Variants in AGBL1 observed in about 807,000 individuals in gnomAD.
AGBL1 encodes the protein cytosolic carboxypeptidase 4.
In AGBL1, 130 loss-of-function variants were observed where a neutral mutation model predicts 118.9. That is an observed-to-expected ratio of 1.09 (90% CI 0.95 to 1.26). The LOEUF (loss-of-function observed/expected upper bound fraction) is 1.26. Among genes scored for constraint, AGBL1 ranks in the 50% most tolerant of loss-of-function variants. The probability of loss-of-function intolerance (pLI) is 0.00; values close to 1 mark genes in which losing one functional copy is unlikely to be tolerated. For missense variants in AGBL1, 1,584 were observed against 1,298.1 expected, an observed-to-expected ratio of 1.22 and a Z score of -3.38; for synonymous variants, 555 against 478.9, an observed-to-expected ratio of 1.16 and a Z score of -2.08.
At chr15:86,679,850 T>C (rs1355008648) in intron 22 of AGBL1, among the ~76,000 whole-genome samples, 1 of 152,178 alleles carries the variant, frequency 6.6e-6, no homozygotes, top group Admixed American at 6.5e-5. Context: ...TTTTCTAATA[T>C]TCAGCTATCT....
In AGBL1 at chr15:86,475,988, AAGG is replaced by A. The variant is rs550906892; in HGVS notation, c.2556-46819_2556-46817del. 4.5e-3 allele frequency among the ~76,000 whole-genome samples: 684 copies of A among 152,234 alleles called. 3 individuals carry two copies. The highest frequency in any genetic ancestry group is 0.016 in the African/African-American group (644 of 41,540). ...CCAGCCAAACTAAGCTTCATAAATG[AAGG>A]AGAAGGAGAAATAAAATCCTTTACA... On this transcript the variant is annotated intron_variant, in intron 18 of 22. Coordinates refer to ENST00000614907, the MANE Select transcript of AGBL1 (RefSeq NM_001386094.1).
At chr15:86,525,443 A>G (rs1187670466) in intron 19 of AGBL1, among the ~76,000 whole-genome samples, 1 of 152,182 alleles carries the variant, frequency 6.6e-6, no homozygotes, top group Non-Finnish European at 1.5e-5. Flanking sequence ...CCTTAGCAAA[A>G]AGAATAATCT....
At chr15:86,407,098 T>C (rs2142004197) in intron 18 of AGBL1, among the ~76,000 whole-genome samples, 1 of 152,326 alleles carries the variant, frequency 6.6e-6, no homozygotes, top group East Asian at 1.9e-4. Flanking sequence ...TTGTTAACAC[T>C]ACACATTATC....
chr15:86,371,357 G>C (rs577697243), intron 17 of AGBL1, among the ~76,000 whole-genome samples: 1 of 152,130 alleles, frequency 6.6e-6, no homozygotes, highest in African/African-American at 2.4e-5. Context: ...AGATTGGAGT[G>C]AGCTGCCTGC....
chr15:86,431,102 G>C (rs2081930264), intron 18 of AGBL1, among the ~76,000 whole-genome samples: 1 of 152,088 alleles, frequency 6.6e-6, no homozygotes, highest in South Asian at 2.1e-4. Flanking sequence ...CTGTTTGCTT[G>C]TTAGCAGTGA....
intron 24 of AGBL1, among the ~76,000 whole-genome samples, chr15:87,020,960 A>C (rs1053101057): frequency 1.3e-5 from 2 of 152,152 alleles, no homozygotes; most frequent in Admixed American, 1.3e-4. Context: ...CCATTCAACT[A>C]CCATTGACAT....
intron 6 of AGBL1, among the ~76,000 whole-genome samples, chr15:86,240,877 TA>T (rs2078630943): frequency 6.6e-6 from 1 of 152,208 alleles, no homozygotes; most frequent in Non-Finnish European, 1.5e-5. Flanking sequence ...TTCTTACTCA[TA>T]TATGTCTTAT....
chr15:86,470,367 C>A (rs1019817125), intron 18 of AGBL1, among the ~76,000 whole-genome samples: 40 of 152,208 alleles, frequency 2.6e-4, no homozygotes, highest in African/African-American at 9.1e-4. Context: ...TGTTGTTGAT[C>A]AGTTGATTGT....
chr15:86,722,126 T>C (rs1157210183), intron 22 of AGBL1, among the ~76,000 whole-genome samples: 1 of 152,128 alleles, frequency 6.6e-6, no homozygotes, highest in Admixed American at 6.5e-5. Context: ...AAGCTACCAA[T>C]GACTTTCTTC....
At chr15:86,278,671 G>A (rs2079298605) in intron 15 of AGBL1, among the ~76,000 whole-genome samples, 1 of 152,114 alleles carries the variant, frequency 6.6e-6, no homozygotes. Context: ...CAATGGACTA[G>A]TAAGCCAACG....
At chr15:86,330,280 C>T (rs538279891) in intron 17 of AGBL1, among the ~76,000 whole-genome samples, 61 of 152,268 alleles carry the variant, frequency 4.0e-4, no homozygotes, top group African/African-American at 1.2e-3. Context: ...CCATAAGGTA[C>T]GTCTACTGGC....
intron 1 of AGBL1, among the ~76,000 whole-genome samples, chr15:86,094,653 A>G (rs1203894229): frequency 6.6e-6 from 1 of 152,174 alleles, no homozygotes; most frequent in African/African-American, 2.4e-5. Context: ...ATCCTACAGC[A>G]AAGGGGTTGA....
At chr15:86,145,360 A>G (rs1226175755) in intron 3 of AGBL1, among the ~76,000 whole-genome samples, 1 of 152,216 alleles carries the variant, frequency 6.6e-6, no homozygotes, top group African/African-American at 2.4e-5. Flanking sequence ...GAAAACCCTG[A>G]AACATTTCCC....
intron 18 of AGBL1, among the ~76,000 whole-genome samples, chr15:86,479,540 C>A (rs1220036781): frequency 4.6e-5 from 7 of 152,086 alleles, no homozygotes; most frequent in East Asian, 1.9e-4. Context: ...ATACCATCTC[C>A]CACCAGTTAG....
chr15:86,568,352 C>T (rs778174633), intron 21 of AGBL1, among the ~76,000 whole-genome samples: 10 of 152,088 alleles, frequency 6.6e-5, no homozygotes, highest in Non-Finnish European at 1.0e-4. Flanking sequence ...ATGAGCAATG[C>T]CCCCAAGAAG....
intron 24 of AGBL1, among the ~76,000 whole-genome samples, chr15:86,998,872 T>A (rs1196339328): frequency 1.3e-5 from 2 of 151,238 alleles, no homozygotes; most frequent in Admixed American, 6.6e-5. Flanking sequence ...TATATATATT[T>A]TTTATTATAC....
chr15:86,376,118 GT>G (rs573039222), intron 17 of AGBL1, among the ~76,000 whole-genome samples: 196 of 152,342 alleles, frequency 1.3e-3, no homozygotes, highest in African/African-American at 4.6e-3. Flanking sequence ...TATGGTATGT[GT>G]TTTAAGCCTT....
chr15:86,790,641 G>A (rs976753039), intron 22 of AGBL1, among the ~76,000 whole-genome samples: 1 of 151,954 alleles, frequency 6.6e-6, no homozygotes, highest in Admixed American at 6.6e-5. Context: ...GATTTCCATT[G>A]GAATACTAAT....
chr15:86,939,943 C>T (rs2080728136), intron 23 of AGBL1, among the ~76,000 whole-genome samples: 1 of 151,086 alleles, frequency 6.6e-6, no homozygotes, highest in Admixed American at 6.6e-5. Flanking sequence ...CCAGGTGGAA[C>T]CATTATTGAT....
Sources: allele counts gnomAD v4.1 joint callset (sites outside exome capture counted in the v4.1 genomes callset), GRCh38; gene constraint gnomAD v4.1.1; transcripts MANE v1.5; gene names NCBI Gene and HGNC (gene_info 2026-07-23, HGNC 2026-07-21).